Variants in FOXN3 observed in about 807,000 individuals in gnomAD.
FOXN3 encodes the protein forkhead box protein N3.
FOXN3 carries 7 observed loss-of-function variants against 38.4 expected under a neutral mutation model. The ratio of observed to expected loss-of-function variants is 0.18; its 90% CI spans 0.10 to 0.34. The LOEUF is 0.34. FOXN3 is among the 10% of genes least tolerant of loss of function. FOXN3 has a pLI of 1.00. For missense variants in FOXN3, 456 were observed against 613.4 expected (o/e 0.74, Z 2.71); for synonymous variants, 230 against 242.2 (o/e 0.95, Z 0.47).
intron 1 of FOXN3, among the ~76,000 whole-genome samples, chr14:89,482,308 T>A (rs2139761911): frequency 6.6e-6 from 1 of 152,328 alleles, no homozygotes; most frequent in East Asian, 1.9e-4. Flanking sequence ...GCCTGTCACC[T>A]CTAGTCTTAA....
intron 1 of FOXN3, among the ~76,000 whole-genome samples, chr14:89,476,370 C>T (rs188838350): frequency 2.1e-4 from 32 of 152,316 alleles, no homozygotes; most frequent in East Asian, 1.9e-3. Flanking sequence ...CTCAGACTCC[C>T]GGCAGATGCC....
chr14:89,413,424 A>G (rs1178065311), intron 1 of FOXN3, among the ~76,000 whole-genome samples: 1 of 152,154 alleles, frequency 6.6e-6, no homozygotes, highest in Non-Finnish European at 1.5e-5. Flanking sequence ...ACTTGAGCCC[A>G]GGGGTTTGAG....
At chr14:89,533,289 A>C (rs575959304) in intron 1 of FOXN3, among the ~76,000 whole-genome samples, 1 of 152,178 alleles carries the variant, frequency 6.6e-6, no homozygotes, top group African/African-American at 2.4e-5. Context: ...ATGCCAGCTG[A>C]TGACACTCAT....
intron 3 of FOXN3, among the ~76,000 whole-genome samples, chr14:89,321,470 G>A (rs1019506039): frequency 3.9e-5 from 6 of 152,036 alleles, no homozygotes; most frequent in Non-Finnish European, 5.9e-5. Context: ...CAGCTACTTC[G>A]GGAGGCTGAG....
chr14:89,519,875 A>G (rs1333291471), intron 1 of FOXN3, among the ~76,000 whole-genome samples: 2 of 152,238 alleles, frequency 1.3e-5, no homozygotes, highest in African/African-American at 4.8e-5. Flanking sequence ...CTGGAAAACA[A>G]TCAAATAAGC....
chr14:89,518,163 GGGC>G (rs1394094427), intron 1 of FOXN3, among the ~76,000 whole-genome samples: 1 of 152,242 alleles, frequency 6.6e-6, no homozygotes, highest in Admixed American at 6.5e-5. Context: ...GACATCACCT[GGGC>G]ATGTGTAGGC....
At chr14:89,426,957 C>T (rs891481732) in intron 1 of FOXN3, among the ~76,000 whole-genome samples, 1 of 151,932 alleles carries the variant, frequency 6.6e-6, no homozygotes, top group Non-Finnish European at 1.5e-5. Flanking sequence ...GAGGGCCGGG[C>T]GCGGTGGCTC....
At chr14:89,229,570 C>T (rs529271427) in intron 4 of FOXN3, among the ~76,000 whole-genome samples, 2 of 152,262 alleles carry the variant, frequency 1.3e-5, no homozygotes, top group Admixed American at 1.3e-4. Flanking sequence ...TGAGAATCAA[C>T]GTGTTGCTGT....
intron 1 of FOXN3, among the ~76,000 whole-genome samples, chr14:89,413,061 C>T (rs1213640291): frequency 6.6e-6 from 1 of 152,050 alleles, no homozygotes; most frequent in Non-Finnish European, 1.5e-5. Context: ...CCCGACCCAC[C>T]ACCATCCCCA....
At chr14:89,288,220 C>T (rs921366127) in intron 3 of FOXN3, among the ~76,000 whole-genome samples, 2 of 152,078 alleles carry the variant, frequency 1.3e-5, no homozygotes, top group African/African-American at 4.8e-5. Context: ...AGTGATCAGA[C>T]CACAACCAAC....
chr14:89,516,762 C>T (rs1894213206), intron 1 of FOXN3, among the ~76,000 whole-genome samples: 1 of 151,954 alleles, frequency 6.6e-6, no homozygotes, highest in South Asian at 2.1e-4. Flanking sequence ...AGGGTTTTGC[C>T]ATGTTGCCCA....
At chr14:89,483,951 A>C (rs1162213535) in intron 1 of FOXN3, among the ~76,000 whole-genome samples, 1 of 152,258 alleles carries the variant, frequency 6.6e-6, no homozygotes, top group East Asian at 1.9e-4. Context: ...AGAGCCAAGT[A>C]AAAAGAAAAA....
intron 3 of FOXN3, among the ~76,000 whole-genome samples, chr14:89,329,031 G>A (rs1384407797): frequency 6.6e-6 from 1 of 152,188 alleles, no homozygotes; most frequent in Non-Finnish European, 1.5e-5. Context: ...TTATAACCAT[G>A]CAAGGCCTCG....
At chr14:89,420,883 A>AT (rs1891886258), upstream of FOXN3, among the ~76,000 whole-genome samples, 1 of 81,448 alleles carries the variant, frequency 1.2e-5, no homozygotes. Context: ...AGAGATACGA[A>AT]TTAAAAAAAA....
intron 1 of FOXN3, among the ~76,000 whole-genome samples, chr14:89,515,821 T>C (rs562681819): frequency 6.6e-6 from 1 of 152,218 alleles, no homozygotes; most frequent in Non-Finnish European, 1.5e-5. Context: ...GGTTTTCAGA[T>C]TGCCACATGA....
intron 4 of FOXN3, among the ~76,000 whole-genome samples, chr14:89,253,379 A>G (rs1885521463): frequency 6.6e-6 from 1 of 152,112 alleles, no homozygotes; most frequent in Non-Finnish European, 1.5e-5. Context: ...CATGGCCTCA[A>G]GGTGGAGATT....
At chr14:89,432,261 G>A (rs1371839829) in intron 1 of FOXN3, among the ~76,000 whole-genome samples, 1 of 152,152 alleles carries the variant, frequency 6.6e-6, no homozygotes, top group Non-Finnish European at 1.5e-5. Context: ...ATTTATGGGT[G>A]GGAGACCTGG....
chr14:89,357,037 G>A (rs959636906), intron 2 of FOXN3, among the ~76,000 whole-genome samples: 2 of 152,108 alleles, frequency 1.3e-5, no homozygotes, highest in East Asian at 1.9e-4. Context: ...GCAATGAGAC[G>A]GAGAAAGGAG....
At chr14:89,355,514 G>A (rs1889181516) in intron 2 of FOXN3, among the ~76,000 whole-genome samples, 1 of 152,152 alleles carries the variant, frequency 6.6e-6, no homozygotes, top group Non-Finnish European at 1.5e-5. Context: ...TGGAAATACA[G>A]GCATGAGCCA....
Sources: allele counts gnomAD v4.1 joint callset (sites outside exome capture counted in the v4.1 genomes callset), GRCh38; gene constraint gnomAD v4.1.1; transcripts MANE v1.5; gene names NCBI Gene and HGNC (gene_info 2026-07-23, HGNC 2026-07-21).